PAX8: variants seen among roughly 807,000 people sequenced by gnomAD.
PAX8 encodes paired box 8, also known as paired box protein Pax-8.
PAX8 carries 15 observed loss-of-function variants against 52.4 expected under a neutral mutation model. The observed-to-expected ratio is 0.29, with a 90% CI of 0.19 to 0.44. The LOEUF is 0.44. Among genes scored for constraint, PAX8 ranks in the 20% least tolerant of loss-of-function variants. The probability of loss-of-function intolerance (pLI) is 1.00; values close to 1 mark genes in which losing one functional copy is unlikely to be tolerated. For missense variants in PAX8, 554 were observed against 602.5 expected (o/e 0.92, Z 0.84); for synonymous variants, 284 against 249.7 (o/e 1.14, Z -1.29).
intron 7 of PAX8, chr2:113,239,963 T>A (rs1690679277): frequency 6.6e-6 from 1 of 152,138 alleles, no homozygotes; most frequent in African/African-American, 2.4e-5. Context: ...GGATTCCCCA[T>A]GTTCATATGC....
intron 9 of PAX8, 69 bp downstream of exon 9, chr2:113,235,325 G>C: frequency 7.5e-7 from 1 of 1,334,002 alleles, no homozygotes; most frequent in South Asian, 1.4e-5. Context: ...GGGGGCTGGC[G>C]GTCTGCCCTG....
rs1314974063 is a variant in PAX8 at position 113,256,628 on chromosome 2, A to ATGTG, written c.26-9710_26-9709insCACA. ...TATATGTGTGTGTGTATATATATAT[A>ATGTG]TATGTGTGTGTGTGTGTGTGTGTGT... On this transcript the variant is annotated intron_variant, in intron 2 of 11. Coordinates refer to ENST00000429538, the MANE Select transcript of PAX8 (RefSeq NM_003466.4). 4.6e-5 allele frequency among the ~76,000 whole-genome samples: 6 copies of ATGTG among 130,378 alleles called. 1 individual carries two copies. Among genetic ancestry groups the ATGTG allele is most frequent in the South Asian group, 2.6e-4 (1 of 3,818 alleles). The allele number at this position is 130,378 out of a possible 152,430, so 85.5% of individuals were successfully genotyped here. A position where few individuals can be genotyped will look rare whatever the true frequency, so the allele number is the denominator to read the frequency against.
chr2:113,248,756 C>T (rs1341963698), intron 2 of PAX8, among the ~76,000 whole-genome samples: 3 of 151,234 alleles, frequency 2.0e-5, no homozygotes, highest in Non-Finnish European at 2.9e-5. Flanking sequence ...GTCAGGAGTT[C>T]GAGACCAGCC....
chr2:113,260,034 CT>C (rs1004381721), intron 2 of PAX8, among the ~76,000 whole-genome samples: 15 of 151,556 alleles, frequency 9.9e-5, no homozygotes, highest in East Asian at 1.9e-4. Context: ...GCTACTGATG[CT>C]TTTTTTTTAA....
chr2:113,274,886 T>C (rs755811349), intron 2 of PAX8: 24 of 152,190 alleles, frequency 1.6e-4, no homozygotes, highest in Non-Finnish European at 2.5e-4. Context: ...AGTGTATCCA[T>C]AGGAAAATGA....
chr2:113,228,949 A>G (rs966336214), intron 9 of PAX8, among the ~76,000 whole-genome samples: 2 of 152,206 alleles, frequency 1.3e-5, no homozygotes, highest in Admixed American at 6.5e-5. Context: ...CCCCAAAGAC[A>G]GTGTTCATTC....
intron 2 of PAX8, chr2:113,273,484 T>C (rs1036697770): frequency 6.6e-6 from 1 of 152,220 alleles, no homozygotes; most frequent in Non-Finnish European, 1.5e-5. Context: ...TGGGAATCCT[T>C]TCCTTTGCAT....
At chr2:113,244,397 C>T (rs1447031108) in intron 4 of PAX8, 30 bp downstream of exon 4, 1 of 1,583,798 alleles carries the variant, frequency 6.3e-7, no homozygotes. Flanking sequence ...GGGGCCCCAG[C>T]CTGACACCAG....
At chr2:113,258,355 G>C (rs1235169886) in intron 2 of PAX8, among the ~76,000 whole-genome samples, 2 of 152,056 alleles carry the variant, frequency 1.3e-5, no homozygotes, top group Non-Finnish European at 2.9e-5. Context: ...CCTGCCCTCA[G>C]TGTCTCCCAG....
chr2:113,235,854 G>C (rs972392595), intron 8 of PAX8: 9 of 489,858 alleles, frequency 1.8e-5, no homozygotes, highest in Non-Finnish European at 2.9e-5. Flanking sequence ...GGAGCGCGGA[G>C]ACCCGGGAGC....
chr2:113,242,428 G>A (rs1317173224), intron 5 of PAX8, among the ~76,000 whole-genome samples: 1 of 152,136 alleles, frequency 6.6e-6, no homozygotes, highest in Non-Finnish European at 1.5e-5. Flanking sequence ...CCTTCCTCCA[G>A]GGGGCCTCCT....
chr2:113,261,572 G>T (rs1464938305), intron 2 of PAX8, among the ~76,000 whole-genome samples: 2 of 152,218 alleles, frequency 1.3e-5, no homozygotes, highest in African/African-American at 4.8e-5. Context: ...AGTGTCTGTG[G>T]AGTGGCAGAG....
intron 2 of PAX8, among the ~76,000 whole-genome samples, chr2:113,261,598 C>T (rs895057153): frequency 6.6e-6 from 1 of 152,198 alleles, no homozygotes; most frequent in Non-Finnish European, 1.5e-5. Context: ...AGGCACACTT[C>T]TGAGAGGATC....
intron 10 of PAX8, among the ~76,000 whole-genome samples, chr2:113,222,471 C>A (rs1392417487): frequency 6.6e-6 from 1 of 152,210 alleles, no homozygotes; most frequent in Non-Finnish European, 1.5e-5. Flanking sequence ...GTGGTACACA[C>A]CTGGGTGTGG....
chr2:113,231,792 G>A (rs77554491), intron 9 of PAX8, among the ~76,000 whole-genome samples: 26 of 152,246 alleles, frequency 1.7e-4, no homozygotes, highest in African/African-American at 5.1e-4. Context: ...GCAATGGCAC[G>A]ATCTCGGCTC....
At chr2:113,251,166 T>C (rs1260173787) in intron 2 of PAX8, among the ~76,000 whole-genome samples, 1 of 152,200 alleles carries the variant, frequency 6.6e-6, no homozygotes, top group Non-Finnish European at 1.5e-5. Flanking sequence ...GACCTTTGTC[T>C]TTCCTGTGTC....
intron 2 of PAX8, chr2:113,275,039 G>A (rs1209846759): frequency 6.6e-6 from 1 of 152,098 alleles, no homozygotes; most frequent in East Asian, 1.9e-4. Context: ...TTTTTTATTT[G>A]GTTTCCTTCA....
rs1033913521 is a variant in PAX8 at position 113,222,618 on chromosome 2, A to G, written c.1190-2440T>C. 7.9e-5 allele frequency among the ~76,000 whole-genome samples: 12 copies of G among 152,120 alleles called. No homozygotes were observed. The South Asian group carries it at 1.9e-3, about 24-fold the overall frequency. ...CCTTTCCAAGGATTTGGCCGCTCCA[A>G]TGATCCCGTTTTCTGTTTCATCAGT... On this transcript the variant is annotated intron_variant, in intron 10 of 11. Coordinates refer to ENST00000429538, the MANE Select transcript of PAX8 (RefSeq NM_003466.4).
At chr2:113,237,729 G>A (rs769148747) in intron 7 of PAX8, 7 of 152,184 alleles carry the variant, frequency 4.6e-5, no homozygotes, top group Non-Finnish European at 1.0e-4. Context: ...TGGGGAAGCA[G>A]ATAGCGCAGA....
Sources: allele counts gnomAD v4.1 joint callset (sites outside exome capture counted in the v4.1 genomes callset), GRCh38; gene constraint gnomAD v4.1.1; transcripts MANE v1.5; gene names NCBI Gene and HGNC (gene_info 2026-07-23, HGNC 2026-07-21).